Variants in MRAP2 observed in about 807,000 individuals in gnomAD.
MRAP2 encodes melanocortin 2 receptor accessory protein 2.
Under a neutral mutation model 17.4 loss-of-function variants are expected in MRAP2, and 20 were observed. The observed-to-expected ratio is 1.15, with a 90% CI of 0.81 to 1.67. MRAP2 has a LOEUF of 1.67. MRAP2 is among the 40% of genes most tolerant of loss of function. MRAP2 has a pLI of 0.00. For synonymous variants in MRAP2, 96 were observed against 88.4 expected (o/e 1.09, Z -0.48); for missense variants, 238 against 240.0 (o/e 0.99, Z 0.05).
chr6:84,102,243 G>A, the MRAP2 span, among the ~76,000 whole-genome samples: 54 of 152,288 alleles, frequency 3.5e-4, no homozygotes, highest in African/African-American at 1.2e-3. Context: ...ACCTATGTCC[G>A]CCTGTGAATA....
chr6:84,142,884 T>G, the MRAP2 span, among the ~76,000 whole-genome samples: 1 of 152,102 alleles, frequency 6.6e-6, no homozygotes, highest in South Asian at 2.1e-4. Context: ...AACCTGCATG[T>G]GTTGTAAAAA....
the MRAP2 span, chr6:84,125,011 G>T: frequency 7.9e-7 from 1 of 1,271,934 alleles, no homozygotes; most frequent in Non-Finnish European, 1.1e-6. Flanking sequence ...CCTGACAGTG[G>T]CACAATCCCA....
chr6:84,055,731 T>G (rs1006880757), intron 2 of MRAP2, among the ~76,000 whole-genome samples: 13 of 152,192 alleles, frequency 8.5e-5, no homozygotes, highest in African/African-American at 3.1e-4. Flanking sequence ...AGCATTTGCT[T>G]TTTTAGCTCC....
At chr6:84,111,675 T>C in the MRAP2 span, among the ~76,000 whole-genome samples, 2 of 152,354 alleles carry the variant, frequency 1.3e-5, no homozygotes, top group Non-Finnish European at 2.9e-5. Context: ...CATCCCTGTC[T>C]TGTGCCAGTT....
downstream of MRAP2, among the ~76,000 whole-genome samples, chr6:84,091,168 T>C (rs35471922): frequency 0.33 from 50,656 of 151,472 alleles, 11,485 homozygotes; most frequent in African/African-American, 0.65. Context: ...ATATTTTTTA[T>C]AAATAGATGC....
At chr6:84,036,983 A>C (rs1213705620) in intron 1 of MRAP2, among the ~76,000 whole-genome samples, 1 of 151,330 alleles carries the variant, frequency 6.6e-6, no homozygotes, top group African/African-American at 2.4e-5. Context: ...TGATTGGTGC[A>C]TTTACAAACC....
intron 1 of MRAP2, among the ~76,000 whole-genome samples, chr6:84,040,032 T>A (rs2099487109): frequency 6.6e-6 from 1 of 152,248 alleles, no homozygotes; most frequent in Non-Finnish European, 1.5e-5. Context: ...TGATATGATT[T>A]GGCTGTGTCC....
intron 3 of MRAP2, among the ~76,000 whole-genome samples, chr6:84,074,906 A>C (rs983053923): frequency 2.0e-5 from 3 of 152,200 alleles, no homozygotes; most frequent in African/African-American, 7.2e-5. Flanking sequence ...ACCTGGGATC[A>C]TGCTAGAATG....
chr6:84,089,225 A>G lies in MRAP2; in HGVS notation c.362A>G (p.Asn121Ser). The change falls in exon 4 of 4, where the codon AAT (asparagine) becomes AGT (serine). Residue 121 changes from asparagine to serine, a missense_variant. By Grantham distance (46) the Asn-to-Ser change is conservative. Transcript: ENST00000257776. ...AGGTCTCTCTTTCACTGCTACATCAATGAGGTGGAACGCTTGGACAGAGCC... is the reference window on the plus strand; with the variant it reads ...AGGTCTCTCTTTCACTGCTACATCAGTGAGGTGGAACGCTTGGACAGAGCC... ...ESRSLFHCYINEVERLDRAKA... is the reference protein window; with the variant it reads ...ESRSLFHCYISEVERLDRAKA... 6.2e-7 allele frequency: 1 copy of G among 1,614,168 alleles called. No homozygotes were observed. The highest frequency in any genetic ancestry group is 8.5e-7 in the Non-Finnish European group (1 of 1,180,034).
At chr6:84,074,382 A>G (rs1466513924) in intron 3 of MRAP2, among the ~76,000 whole-genome samples, 1 of 152,246 alleles carries the variant, frequency 6.6e-6, no homozygotes, top group Non-Finnish European at 1.5e-5. Context: ...AAAGTAGAAC[A>G]TCAACAGCAT....
the MRAP2 span, chr6:84,126,278 CTT>C: frequency 6.4e-6 from 5 of 778,488 alleles, no homozygotes; most frequent in Admixed American, 3.8e-5. Context: ...ACTGGAAACA[CTT>C]TAAGTGGTAA....
At chr6:84,124,976 G>T in the MRAP2 span, 1 of 930,102 alleles carries the variant, frequency 1.1e-6, no homozygotes, top group Non-Finnish European at 1.6e-6. Flanking sequence ...GAAACATATT[G>T]GAACACTTGT....
At chr6:84,110,095 A>G in the MRAP2 span, among the ~76,000 whole-genome samples, 3 of 152,218 alleles carry the variant, frequency 2.0e-5, no homozygotes, top group African/African-American at 2.4e-5. Flanking sequence ...AGCATGATTT[A>G]TAATCCTTTG....
chr6:84,095,854 C>T, downstream of MRAP2, among the ~76,000 whole-genome samples: 1 of 152,184 alleles, frequency 6.6e-6, no homozygotes, highest in East Asian at 1.9e-4. Context: ...AGAAAATATT[C>T]TTGTCTTTCT....
the MRAP2 span, among the ~76,000 whole-genome samples, chr6:84,121,754 A>G: frequency 0.022 from 3,282 of 152,288 alleles, 117 homozygotes; most frequent in African/African-American, 0.074. Flanking sequence ...TTTGAAATAA[A>G]TGAAAATAGA....
At chr6:84,125,028 T>C in the MRAP2 span, 1 of 1,445,794 alleles carries the variant, frequency 6.9e-7, no homozygotes, top group Non-Finnish European at 9.6e-7. Context: ...CCCATCCATC[T>C]TCAGGCCTTT....
chr6:84,081,309 A>G (rs1321335320), intron 3 of MRAP2, among the ~76,000 whole-genome samples: 1 of 152,196 alleles, frequency 6.6e-6, no homozygotes, highest in East Asian at 1.9e-4. Context: ...TCAACTTCTC[A>G]TCCTGGTTTG....
the MRAP2 span, among the ~76,000 whole-genome samples, chr6:84,117,515 G>A: frequency 6.6e-6 from 1 of 151,132 alleles, no homozygotes; most frequent in Non-Finnish European, 1.5e-5. Context: ...TGGTTGGTAA[G>A]CTATTTATTA....
intron 3 of MRAP2, among the ~76,000 whole-genome samples, chr6:84,063,561 T>C (rs1562880844): frequency 6.6e-6 from 1 of 152,180 alleles, no homozygotes; most frequent in East Asian, 1.9e-4. Flanking sequence ...GGACTTTGGA[T>C]TGATGGAGGA....
Sources: allele counts gnomAD v4.1 joint callset (sites outside exome capture counted in the v4.1 genomes callset), GRCh38; gene constraint gnomAD v4.1.1; transcripts MANE v1.5; gene names NCBI Gene and HGNC (gene_info 2026-07-23, HGNC 2026-07-21).